Variants in FAM83B observed in about 807,000 individuals in gnomAD.
FAM83B encodes protein FAM83B.
A neutral mutation model predicts 38.8 loss-of-function variants in FAM83B; 26 were observed. That is an observed-to-expected ratio of 0.67 (90% confidence interval 0.49 to 0.93). The LOEUF is 0.93. Ranked by LOEUF, FAM83B falls within the 40% of genes least tolerant of loss-of-function variation. FAM83B has a pLI of 0.00. For synonymous variants in FAM83B, 419 were observed against 423.1 expected (o/e 0.99, Z 0.12); for missense variants, 1,237 against 1,197.3 (o/e 1.03, Z -0.49).
intron 2 of FAM83B, among the ~76,000 whole-genome samples, chr6:54,925,186 T>G (rs9367598): frequency 0.023 from 3,518 of 152,304 alleles, 59 homozygotes; most frequent in Middle Eastern, 0.061. Context: ...CAAAGGACAC[T>G]GTCTCAGAGA....
In FAM83B at chr6:54,940,890, A is replaced by C. The variant is rs239798; in HGVS notation, c.1919A>C (p.Lys640Thr). 306,726 of 1,613,446 alleles carry C rather than the reference A, an allele frequency of 0.19. 37,908 individuals carry two copies. The highest frequency in any genetic ancestry group is 0.63 in the African/African-American group (47,137 of 74,848). Reference sequence around the variant, plus strand: ...ACTGAATCAAATAACTATATATATAAAACCTTGGGTGTAAATAAGCAGACA... The same window carrying C: ...ACTGAATCAAATAACTATATATATACAACCTTGGGTGTAAATAAGCAGACA... ...GHTESNNYIYKTLGVNKQTEN... is the reference protein window; with the variant it reads ...GHTESNNYIYTTLGVNKQTEN... The change falls in exon 5 of 5, where the codon AAA becomes ACA. Residue 640 changes from lysine to threonine, a missense_variant. Lys to Thr is a moderately conservative substitution (Grantham distance 78). Transcript: ENST00000306858.
chr6:54,889,963 TAAG>T (rs1259803921), intron 2 of FAM83B, among the ~76,000 whole-genome samples: 2 of 152,080 alleles, frequency 1.3e-5, no homozygotes, highest in Non-Finnish European at 2.9e-5. Flanking sequence ...TTGATACTTA[TAAG>T]TTTTACATTT....
At chr6:54,847,292 G>C (rs1278194345) in intron 1 of FAM83B, among the ~76,000 whole-genome samples, 1 of 152,064 alleles carries the variant, frequency 6.6e-6, no homozygotes, top group Non-Finnish European at 1.5e-5. Flanking sequence ...TCCGGGAAAA[G>C]GTGGGAGAGC....
chr6:54,927,023 G>A (rs777289597), intron 3 of FAM83B, among the ~76,000 whole-genome samples: 10 of 152,042 alleles, frequency 6.6e-5, no homozygotes, highest in African/African-American at 2.2e-4. Context: ...GTGAGCCACC[G>A]TGCCCGGCCT....
chr6:54,940,570 C>T lies in FAM83B; in HGVS notation c.1599C>T (p.Ala533=), dbSNP rs1345460623. ...YDNPENLKAN[A]LYTHSRLRSS... is the part of the protein sequence containing the mutation. ...ATCCTGAGAATTTGAAGGCCAATGC[C>T]CTTTATACTCATTCTCGGCTTCGTT... is the stretch of plus-strand genomic sequence containing the variant. The change falls in exon 5 of 5, where the codon GCC becomes GCT. Residue 533 remains alanine, a synonymous_variant. Coordinates refer to ENST00000306858, the MANE Select transcript of FAM83B (RefSeq NM_001010872.3). 6 of 1,613,862 alleles carry T rather than the reference C, an allele frequency of 3.7e-6. No individual in the cohort carries two copies. The Admixed American group carries it at 6.7e-5, about 18-fold the overall frequency.
intron 2 of FAM83B, among the ~76,000 whole-genome samples, chr6:54,876,299 A>G (rs1464653987): frequency 4.2e-5 from 2 of 48,094 alleles, no homozygotes; most frequent in African/African-American, 5.0e-5. Context: ...ATATATATAT[A>G]TATATATATA....
chr6:54,915,921 A>G (rs1245834342), intron 2 of FAM83B, among the ~76,000 whole-genome samples: 2 of 151,652 alleles, frequency 1.3e-5, no homozygotes, highest in African/African-American at 4.8e-5. Context: ...TTCTTTGACT[A>G]TAAAGTTATG....
At chr6:54,889,135 T>A (rs576965841) in intron 2 of FAM83B, among the ~76,000 whole-genome samples, 10 of 152,172 alleles carry the variant, frequency 6.6e-5, no homozygotes, top group African/African-American at 2.4e-4. Flanking sequence ...TCTGTTGAAA[T>A]TTTCTTTCTT....
chr6:54,883,332 GTT>G (rs36040247), intron 2 of FAM83B, among the ~76,000 whole-genome samples: 3,247 of 90,504 alleles, frequency 0.036, 45 homozygotes, highest in Middle Eastern at 0.085. Context: ...TTTTTTTTAA[GTT>G]TTTTTTTTTT....
In FAM83B at chr6:54,870,516, G is replaced by A; in HGVS notation, c.270G>A (p.Gly90=). 6.2e-7 allele frequency: 1 copy of A among 1,613,976 alleles called. No homozygotes were observed. The highest frequency in any genetic ancestry group is 8.5e-7 in the Non-Finnish European group (1 of 1,179,974). Residue 90 remains glycine, a synonymous_variant, in exon 2 of 5, where the codon GGG becomes GGA. Coordinates refer to ENST00000306858, the MANE Select transcript of FAM83B (RefSeq NM_001010872.3). The part of the protein sequence containing the change: ...DDSCDDTLSS[G]TYWPVESDVE... ...CCTGTGATGATACCTTATCTTCAGGGACCTACTGGCCTGTTGAGTCTGATG... is the reference window on the plus strand; with the variant it reads ...CCTGTGATGATACCTTATCTTCAGGAACCTACTGGCCTGTTGAGTCTGATG...
At chr6:54,850,804 A>G (rs922046218) in intron 1 of FAM83B, among the ~76,000 whole-genome samples, 1 of 152,026 alleles carries the variant, frequency 6.6e-6, no homozygotes, top group Non-Finnish European at 1.5e-5. Flanking sequence ...GTGGATCACA[A>G]GGTCAGGAGT....
Position 54,941,768 on chromosome 6 carries a change from G to A in FAM83B, c.2797G>A (p.Val933Ile). 1 of 1,614,082 alleles carries A rather than the reference G, an allele frequency of 6.2e-7. No homozygotes were observed. Among genetic ancestry groups the A allele is most frequent in the Non-Finnish European group, 8.5e-7 (1 of 1,180,016 alleles). The change falls in exon 5 of 5, where the codon GTT becomes ATT. Residue 933 changes from valine (V) to isoleucine (I), a missense_variant. Transcript: ENST00000306858. ...ACGATCTCATTCAACTGATCGGCGT[G>A]TTTACAGTCGTTTTGAGCCGTTTTG... The part of the protein sequence containing the change: ...LLRSHSTDRR[V>I]YSRFEPFCKI...
At chr6:54,928,161 C>G (rs1426854961) in intron 4 of FAM83B, among the ~76,000 whole-genome samples, 1 of 152,122 alleles carries the variant, frequency 6.6e-6, no homozygotes, top group Non-Finnish European at 1.5e-5. Flanking sequence ...AGTCCTGAAT[C>G]AGATACATAG....
intron 2 of FAM83B, among the ~76,000 whole-genome samples, chr6:54,904,256 A>C (rs746711424): frequency 6.6e-6 from 1 of 152,166 alleles, no homozygotes; most frequent in Non-Finnish European, 1.5e-5. Context: ...TGATCAGTAC[A>C]TATGCTGATA....
At chr6:54,882,405 C>A (rs1195612897) in intron 2 of FAM83B, among the ~76,000 whole-genome samples, 1 of 152,068 alleles carries the variant, frequency 6.6e-6, no homozygotes, top group Non-Finnish European at 1.5e-5. Flanking sequence ...ACCTTTATTG[C>A]CCTTTTTTTA....
intron 1 of FAM83B, among the ~76,000 whole-genome samples, chr6:54,849,242 G>A (rs2127570407): frequency 6.6e-6 from 1 of 152,296 alleles, no homozygotes; most frequent in Middle Eastern, 3.4e-3. Flanking sequence ...GAGAAAATGT[G>A]TTAGAGCCTT....
At chr6:54,917,957 T>C (rs1261104493) in intron 2 of FAM83B, among the ~76,000 whole-genome samples, 1 of 152,082 alleles carries the variant, frequency 6.6e-6, no homozygotes, top group African/African-American at 2.4e-5. Context: ...AATAAATACC[T>C]GCAAAGTTAA....
chr6:54,926,428 G>C lies in FAM83B; in HGVS notation c.502G>C (p.Glu168Gln). ...TGTGGACATTTTCAAAGAAATCGTT[G>C]AGGCATCAACTCGAGGAGTATCTGT... ...TDVDIFKEIV[E>Q]ASTRGVSVYI... Residue 168 changes from glutamate to glutamine, a missense_variant, in exon 3 of 5, where the codon GAG (glutamate) becomes CAG (glutamine). Coordinates refer to ENST00000306858, the MANE Select transcript of FAM83B (RefSeq NM_001010872.3). 1.9e-6 allele frequency: 3 copies of C among 1,609,250 alleles called. No individual in the cohort carries two copies. Among genetic ancestry groups the C allele is most frequent in the Non-Finnish European group, 2.5e-6 (3 of 1,176,788 alleles).
At chr6:54,920,985 T>C (rs1015766126) in intron 2 of FAM83B, among the ~76,000 whole-genome samples, 11 of 152,004 alleles carry the variant, frequency 7.2e-5, no homozygotes, top group African/African-American at 2.7e-4. Flanking sequence ...TATTCCTTGC[T>C]TGTGAGCATA....
Sources: gnomAD v4.1 joint callset for allele counts (sites outside exome capture counted in the v4.1 genomes callset) on GRCh38, gnomAD v4.1.1 for gene constraint, MANE v1.5 for transcripts, NCBI Gene and HGNC (gene_info 2026-07-23, HGNC 2026-07-21) for gene names.